EPHA2: variants seen among roughly 807,000 people sequenced by gnomAD.
EPHA2 encodes the protein EPH receptor A2, also known as ephrin type-A receptor 2.
In EPHA2, 54 loss-of-function variants were observed where a neutral mutation model predicts 104.9. The observed-to-expected ratio is 0.51, with a 90% CI of 0.41 to 0.65. The LOEUF is 0.65. EPHA2 is among the 30% of genes least tolerant of loss of function. The pLI is 0.00. For missense variants in EPHA2, 1,117 were observed against 1,369.5 expected (o/e 0.82, Z 2.91); for synonymous variants, 560 against 559.1 (o/e 1.00, Z -0.02).
chr1:16,135,919 C>T lies in EPHA2; in HGVS notation c.1313-149G>A, dbSNP rs985157764. On this transcript the variant is annotated intron_variant, in intron 5 of 16. Coordinates refer to ENST00000358432, the MANE Select transcript of EPHA2 (RefSeq NM_004431.5). This position sits in a 1 kb window ranked among gnomAD's most constrained non-coding sequence, Gnocchi z 4.3. Reference sequence around the variant, plus strand: ...AGGATCTCGCTCTCTCACCCAGGCTCGAGTGCAGTGGCATGATCTCGGCCC... The same window carrying T: ...AGGATCTCGCTCTCTCACCCAGGCTTGAGTGCAGTGGCATGATCTCGGCCC... 5 of 607,634 alleles carry T rather than the reference C, an allele frequency of 8.2e-6. No individual in the cohort carries two copies. Among genetic ancestry groups the T allele is most frequent in the East Asian group, 2.8e-5 (1 of 35,612 alleles). The allele number at this position is 607,634 out of a possible 1,614,324, so 37.6% of individuals were successfully genotyped here. A position where few individuals can be genotyped will look rare whatever the true frequency, so the allele number is the denominator to read the frequency against.
chr1:16,153,055 G>A (rs759033939), intron 1 of EPHA2: 10 of 929,904 alleles, frequency 1.1e-5, no homozygotes, highest in African/African-American at 1.8e-5. Flanking sequence ...GACCCAGACG[G>A]CTTCCTGGAG....
At chr1:16,145,337 G>T (rs1008298391) in intron 3 of EPHA2, among the ~76,000 whole-genome samples, 1 of 152,238 alleles carries the variant, frequency 6.6e-6, no homozygotes, top group Non-Finnish European at 1.5e-5. Context: ...TCATGGGAGC[G>T]CTCCGGGCAG....
intron 1 of EPHA2, among the ~76,000 whole-genome samples, chr1:16,152,817 C>T (rs928961209): frequency 6.6e-6 from 1 of 152,198 alleles, no homozygotes; most frequent in African/African-American, 2.4e-5. Context: ...GCACAGGGCT[C>T]AATCGGAGAA....
chr1:16,129,435 C>G lies in EPHA2; in HGVS notation c.2824G>C (p.Asp942His). The change falls in exon 16 of 17, where the codon GAC (aspartate) becomes CAC (histidine). Residue 942 changes from aspartate to histidine, a missense_variant and splice_region_variant. This residue lies in a region of EPHA2 where 340 missense variants were observed against 480.5 expected (regional missense o/e 0.71). Transcript: ENST00000358432. ...GGGACGGAAAGGGGCCTGACTTACTCGTTGGTCATCTGCACCACCTTCTCG... is the reference window on the plus strand; with the variant it reads ...GGGACGGAAAGGGGCCTGACTTACTGGTTGGTCATCTGCACCACCTTCTCG... ...AIEKVVQMTNDDIKRIGVRLP... is the reference protein window; with the variant it reads ...AIEKVVQMTNHDIKRIGVRLP... The G allele has an allele frequency of 1.2e-6, 2 of 1,612,956 alleles. No homozygotes were observed. The highest frequency in any genetic ancestry group is 1.7e-6 in the Non-Finnish European group (2 of 1,179,956).
chr1:16,136,303 AAATAATAATAAT>A (rs35523202), intron 5 of EPHA2, among the ~76,000 whole-genome samples: 2,821 of 140,982 alleles, frequency 0.02, 104 homozygotes, highest in African/African-American at 0.067. Context: ...ACGAGTGCAT[AAATAATAATAAT>A]AATAATAATA....
intron 11 of EPHA2, 152 bp from the exon 12 acceptor site, chr1:16,132,591 A>C: frequency 1.5e-6 from 1 of 688,364 alleles, no homozygotes; most frequent in East Asian, 3.4e-5. Flanking sequence ...GGGTACAGGT[A>C]TGGGGAGAGG....
intron 11 of EPHA2, among the ~76,000 whole-genome samples, chr1:16,132,761 T>G (rs1173348543): frequency 1.1e-5 from 1 of 93,320 alleles, no homozygotes; most frequent in African/African-American, 4.5e-5. Context: ...TGTAAGGAGG[T>G]GGGTACAGGT....
intron 16 of EPHA2, 45 bp downstream of exon 16, chr1:16,129,389 G>A (rs368161443): frequency 3.0e-4 from 477 of 1,601,864 alleles, no homozygotes; most frequent in Non-Finnish European, 3.9e-4. Flanking sequence ...AGCCTCTGGA[G>A]TGGGAGGCGG....
At position 16,155,905 on chromosome 1, in the gene EPHA2, A is replaced by C; in HGVS notation, c.28T>G (p.Phe10Val). 1 of 1,488,120 alleles carries C rather than the reference A, an allele frequency of 6.7e-7. No individual in the cohort carries two copies. Among genetic ancestry groups the C allele is most frequent in the Non-Finnish European group, 8.9e-7 (1 of 1,126,682 alleles). 92.2% of individuals were successfully genotyped at this position (1,488,120 alleles called of 1,614,324 possible). A position where few individuals can be genotyped will look rare whatever the true frequency, so the allele number is the denominator to read the frequency against. Reference sequence around the variant, plus strand: ...AGCGCACAGCCCCACAGCAGGGCGAAGCAGGCGCGGGCTGCCTGGAGCTCC... The same window carrying C: ...AGCGCACAGCCCCACAGCAGGGCGACGCAGGCGCGGGCTGCCTGGAGCTCC... MELQAARAC[F>V]ALLWGCALAA... The change falls in exon 1 of 17, where the codon TTC (phenylalanine) becomes GTC (valine). Residue 10 changes from phenylalanine to valine, a missense_variant. This residue lies in a region of EPHA2 where 664 missense variants were observed against 784.8 expected (regional missense o/e 0.85). Coordinates refer to ENST00000358432, the MANE Select transcript of EPHA2 (RefSeq NM_004431.5).
intron 3 of EPHA2, among the ~76,000 whole-genome samples, chr1:16,146,026 C>A (rs1398157080): frequency 6.6e-6 from 1 of 152,308 alleles, no homozygotes; most frequent in African/African-American, 2.4e-5. Flanking sequence ...CACCCGTCTA[C>A]GGTAGCGACT....
rs1231796285 is a variant in EPHA2 at position 16,134,972 on chromosome 1, A to G, written c.1582+64T>C. 6.3e-7 allele frequency: 1 copy of G among 1,596,562 alleles called. No individual in the cohort carries two copies. The highest frequency in any genetic ancestry group is 1.3e-5 in the African/African-American group (1 of 74,646). On this transcript the variant is annotated intron_variant, in intron 7 of 16. Coordinates refer to ENST00000358432, the MANE Select transcript of EPHA2 (RefSeq NM_004431.5). This position sits in a 1 kb window ranked among gnomAD's most constrained non-coding sequence, Gnocchi z 4.5. The stretch of plus-strand genomic sequence containing the variant: ...AGTTATTTGATTCACTTCCTTTCCC[A>G]AGATGTCTCAATTGCTTGGTTCTGG...
At chr1:16,147,780 C>A (rs1319039354) in intron 3 of EPHA2, among the ~76,000 whole-genome samples, 1 of 151,638 alleles carries the variant, frequency 6.6e-6, no homozygotes, top group Non-Finnish European at 1.5e-5. Flanking sequence ...AGCCACACAG[C>A]TAAAAATGTA....
intron 3 of EPHA2, among the ~76,000 whole-genome samples, chr1:16,144,519 T>TCAGCTATGGACTTTAGGC (rs2024890054): frequency 2.0e-5 from 3 of 152,200 alleles, no homozygotes; most frequent in Admixed American, 2.0e-4. Flanking sequence ...CTCCTCCCTG[T>TCAGCTATGGACTTTAGGC]CAGCTATGGA....
intron 1 of EPHA2, among the ~76,000 whole-genome samples, chr1:16,152,286 T>C (rs1241432280): frequency 2.6e-5 from 4 of 152,148 alleles, no homozygotes; most frequent in African/African-American, 9.7e-5. Flanking sequence ...AGATGGGAGC[T>C]GGGCTCTGAG....
chr1:16,154,480 G>A (rs1242907465), intron 1 of EPHA2, among the ~76,000 whole-genome samples: 1 of 152,106 alleles, frequency 6.6e-6, no homozygotes, highest in Non-Finnish European at 1.5e-5. Context: ...CAGGCCGGGG[G>A]TGGTGGCTCA....
At chr1:16,136,927 T>C (rs1474181031) in intron 5 of EPHA2, among the ~76,000 whole-genome samples, 1 of 151,448 alleles carries the variant, frequency 6.6e-6, no homozygotes, top group Non-Finnish European at 1.5e-5. Context: ...GCCTCCTGAG[T>C]AGCTGGGATT....
In EPHA2 at chr1:16,129,468, T is replaced by G; in HGVS notation, c.2791A>C (p.Thr931Pro). The G allele has an allele frequency of 1.2e-6, 2 of 1,613,648 alleles. No homozygotes were observed. Among genetic ancestry groups the G allele is most frequent in the Non-Finnish European group, 1.7e-6 (2 of 1,179,998 alleles). The change falls in exon 16 of 17, where the codon ACT becomes CCT. Residue 931 changes from threonine (T) to proline (P), a missense_variant. Physicochemically the swap from Thr to Pro is conservative, Grantham distance 38. Coordinates refer to ENST00000358432, the MANE Select transcript of EPHA2 (RefSeq NM_004431.5). ...ATCTGCACCACCTTCTCGATGGCAG[T>G]GTAGCCGGCCGCCATGAAGTGCTCC... ...YTEHFMAAGYTAIEKVVQMTN... is the reference protein window; with the variant it reads ...YTEHFMAAGYPAIEKVVQMTN...
chr1:16,131,715 A>G lies in EPHA2; in HGVS notation c.2475+6T>C. 1.2e-6 allele frequency: 2 copies of G among 1,613,918 alleles called. No individual in the cohort carries two copies. The highest frequency in any genetic ancestry group is 2.2e-5 in the South Asian group (2 of 91,070). Reference sequence around the variant, plus strand: ...GGACAGGCCTGGGGAGGGCAAGGGCACCCACCTCGTGGTTGGACAACTCCC... The same window carrying G: ...GGACAGGCCTGGGGAGGGCAAGGGCGCCCACCTCGTGGTTGGACAACTCCC... On this transcript the variant is annotated splice_donor_region_variant and intron_variant, in intron 14 of 16. Transcript: ENST00000358432. The surrounding 1 kb of genome is among the most constrained non-coding windows in gnomAD (Gnocchi z 5.2).
Position 16,155,855 on chromosome 1 carries a change from G to C in EPHA2, c.78C>G (p.Gly26=), listed in dbSNP as rs2124283070. ...GACGCCGCGCGCACTCACCTTCCTT[G>C]CCCTGCGCCGCCGCGGCCGCGGCCA... ...CALAAAAAAQ[G]KEVVLLDFAA... is the part of the protein sequence containing the mutation. Residue 26 remains glycine, a synonymous_variant, in exon 1 of 17, where the codon GGC becomes GGG. Coordinates refer to ENST00000358432, the MANE Select transcript of EPHA2 (RefSeq NM_004431.5). The C allele has an allele frequency of 6.9e-7, 1 of 1,454,290 alleles. No individual in the cohort carries two copies. Among genetic ancestry groups the C allele is most frequent in the Non-Finnish European group, 9.0e-7 (1 of 1,109,284 alleles). The allele number at this position is 1,454,290 out of a possible 1,614,324, so 90.1% of individuals were successfully genotyped here.
Sources: allele counts gnomAD v4.1 joint callset (sites outside exome capture counted in the v4.1 genomes callset), GRCh38; gene constraint gnomAD v4.1.1; regional missense constraint gnomAD v4.1.1; non-coding constraint Gnocchi (gnomAD v3.1); transcripts MANE v1.5; gene names NCBI Gene and HGNC (gene_info 2026-07-23, HGNC 2026-07-21).